DLG2: variants seen among roughly 807,000 people sequenced by gnomAD.
DLG2 encodes the protein disks large homolog 2.
In DLG2, 45 loss-of-function variants were observed where a neutral mutation model predicts 132.5. The observed-to-expected ratio is 0.34, with a 90% CI of 0.27 to 0.44. DLG2 has a LOEUF of 0.44. DLG2 is among the 20% of genes least tolerant of loss of function. The probability of loss-of-function intolerance (pLI) is 1.00; values close to 1 mark genes in which losing one functional copy is unlikely to be tolerated. For synonymous variants in DLG2, 424 were observed against 419.6 expected (o/e 1.01, Z -0.13); for missense variants, 1,045 against 1,196.9 (o/e 0.87, Z 1.87).
At chr11:84,368,659 T>C (rs2098693921) in intron 7 of DLG2, among the ~76,000 whole-genome samples, 2 of 152,128 alleles carry the variant, frequency 1.3e-5, no homozygotes, top group East Asian at 3.9e-4. Context: ...AAGTGAGTTA[T>C]TTATCTTTTA....
chr11:83,877,066 G>A (rs1165717697), intron 15 of DLG2, among the ~76,000 whole-genome samples: 1 of 151,998 alleles, frequency 6.6e-6, no homozygotes, highest in African/African-American at 2.4e-5. Flanking sequence ...AAATGGAAAT[G>A]CTTATTAGTT....
chr11:84,476,614 G>A (rs139320234), intron 7 of DLG2, among the ~76,000 whole-genome samples: 2 of 152,300 alleles, frequency 1.3e-5, no homozygotes, highest in Non-Finnish European at 2.9e-5. Flanking sequence ...GTGATGCTAT[G>A]TGATTTCTGA....
At chr11:85,519,170 T>G (rs1372992703) in intron 3 of DLG2, among the ~76,000 whole-genome samples, 1 of 152,052 alleles carries the variant, frequency 6.6e-6, no homozygotes. Context: ...ATGGAACTGT[T>G]AGAAGAGGAC....
chr11:85,017,489 T>C (rs1032310959), intron 6 of DLG2, among the ~76,000 whole-genome samples: 10 of 152,292 alleles, frequency 6.6e-5, no homozygotes, highest in African/African-American at 2.4e-4. Context: ...CCTAAACTAA[T>C]TGACTCATCT....
intron 6 of DLG2, among the ~76,000 whole-genome samples, chr11:84,638,740 C>G (rs893447993): frequency 6.6e-6 from 1 of 152,120 alleles, no homozygotes; most frequent in African/African-American, 2.4e-5. Flanking sequence ...GGACTTAACA[C>G]AGAACTCTGT....
At chr11:83,575,592 A>G (rs1432119870) in intron 19 of DLG2, among the ~76,000 whole-genome samples, 17 of 152,230 alleles carry the variant, frequency 1.1e-4, no homozygotes, top group Admixed American at 1.1e-3. Context: ...AGTAGGATCA[A>G]TACTTGGCAT....
chr11:84,019,163 A>G (rs1359170150), intron 11 of DLG2, among the ~76,000 whole-genome samples: 3 of 152,224 alleles, frequency 2.0e-5, no homozygotes, highest in East Asian at 3.9e-4. Flanking sequence ...TTATTGAATA[A>G]CAAAATGGTA....
intron 21 of DLG2, among the ~76,000 whole-genome samples, chr11:83,521,875 C>T (rs984498782): frequency 6.6e-6 from 1 of 152,092 alleles, no homozygotes; most frequent in Non-Finnish European, 1.5e-5. Flanking sequence ...CTCCCAAGTC[C>T]CCACCATCCA....
At chr11:84,289,822 C>T (rs895400952) in intron 7 of DLG2, among the ~76,000 whole-genome samples, 5 of 152,116 alleles carry the variant, frequency 3.3e-5, no homozygotes, top group Admixed American at 6.6e-5. Context: ...CTACTTCCAG[C>T]CTATGCGTGC....
At chr11:85,307,148 C>G (rs1261617067) in intron 3 of DLG2, among the ~76,000 whole-genome samples, 1 of 152,246 alleles carries the variant, frequency 6.6e-6, no homozygotes, top group Admixed American at 6.5e-5. Flanking sequence ...CTTTAGGGCA[C>G]AAGGCATGTG....
At position 85,479,127 on chromosome 11, in the gene DLG2, A is replaced by G. The variant is rs944835352; in HGVS notation, c.40+119530T>C. On this transcript the variant is annotated intron_variant, in intron 3 of 27. Coordinates refer to ENST00000376104, the MANE Select transcript of DLG2 (RefSeq NM_001142699.3). ...TTATACATTCAACAAAGGAGTCAGC[A>G]TCAATAATATTTAACTAGTACATTT... Among the ~76,000 whole-genome samples, 12 of 152,254 alleles carry G rather than the reference A, an allele frequency of 7.9e-5. 1 individual carries two copies. Among genetic ancestry groups the G allele is most frequent in the Admixed American group, 7.8e-4 (12 of 15,290 alleles).
chr11:84,502,259 CTTCCTTCCTTCCTTCCTTCCTTCT>C (rs2099214724), intron 7 of DLG2, among the ~76,000 whole-genome samples: 4 of 33,588 alleles, frequency 1.2e-4, no homozygotes, highest in Non-Finnish European at 1.5e-4. Context: ...TCCTTCCTTC[CTTCCTTCCTTCCTTCCTTCCTTCT>C]TTCTTTCTTT....
intron 3 of DLG2, among the ~76,000 whole-genome samples, chr11:85,341,041 T>C (rs1056063326): frequency 3.9e-5 from 6 of 152,230 alleles, no homozygotes; most frequent in Non-Finnish European, 8.8e-5. Context: ...CTGAATTCTT[T>C]TCTTGTTGAG....
At chr11:84,484,022 G>A (rs952775350) in intron 7 of DLG2, among the ~76,000 whole-genome samples, 2 of 152,102 alleles carry the variant, frequency 1.3e-5, no homozygotes, top group African/African-American at 4.8e-5. Flanking sequence ...TATGTTGCTA[G>A]AGGGACAGCA....
rs1449950060 is a variant in DLG2 at position 83,874,440 on chromosome 11, T to C, written c.1545A>G (p.Gln515=). The change falls in exon 16 of 28, where the codon CAA becomes CAG. Residue 515 remains glutamine, a synonymous_variant. Coordinates refer to ENST00000376104, the MANE Select transcript of DLG2 (RefSeq NM_001142699.3). ...TATRQPSMTL[Q]RAVSLEGEPR... ...CTTACCCTTCCAGGGAGACGGCCCGTTGGAGAGTCATTGAAGGCTGACGAG... is the reference window on the plus strand; with the variant it reads ...CTTACCCTTCCAGGGAGACGGCCCGCTGGAGAGTCATTGAAGGCTGACGAG... The C allele has an allele frequency of 7.5e-6, 12 of 1,600,600 alleles. No individual in the cohort carries two copies. In the South Asian group the frequency reaches 9.0e-5, roughly 12 times the overall value.
At chr11:84,490,436 G>T (rs977730079) in intron 7 of DLG2, among the ~76,000 whole-genome samples, 9 of 152,006 alleles carry the variant, frequency 5.9e-5, no homozygotes, top group Non-Finnish European at 1.3e-4. Context: ...CAGCTGGCAG[G>T]GCTGATTGAA....
intron 7 of DLG2, among the ~76,000 whole-genome samples, chr11:84,424,283 T>C (rs1310648140): frequency 3.3e-5 from 5 of 152,132 alleles, no homozygotes; most frequent in Non-Finnish European, 7.4e-5. Context: ...TCCATGCTGA[T>C]ATTGTGGAGC....
chr11:84,514,214 G>A (rs2099265597), intron 7 of DLG2, among the ~76,000 whole-genome samples: 1 of 152,002 alleles, frequency 6.6e-6, no homozygotes, highest in Non-Finnish European at 1.5e-5. Context: ...GGGATGTGGA[G>A]AAAAGGAAAC....
chr11:84,991,319 G>A (rs2057075969), intron 6 of DLG2, among the ~76,000 whole-genome samples: 1 of 151,830 alleles, frequency 6.6e-6, no homozygotes, highest in Admixed American at 6.6e-5. Context: ...AGATGGCCTG[G>A]GCAAAATTGC....
Sources: gnomAD v4.1 joint callset for allele counts (sites outside exome capture counted in the v4.1 genomes callset) on GRCh38, gnomAD v4.1.1 for gene constraint, MANE v1.5 for transcripts, NCBI Gene and HGNC (gene_info 2026-07-23, HGNC 2026-07-21) for gene names.